Variants in RPSA2 observed in about 807,000 individuals in gnomAD.
The protein encoded by RPSA2 is ribosomal protein SA 2, also known as small ribosomal subunit protein uS2B.
At chr19:23,807,879 G>A in the RPSA2 span, 3 of 417,768 alleles carry the variant, frequency 7.2e-6, no homozygotes, top group Middle Eastern at 3.7e-4. Context: ...AGGAGTAGCA[G>A]TGCCTGGACA....
chr19:23,768,014 C>T, the RPSA2 span, among the ~76,000 whole-genome samples: 2 of 152,060 alleles, frequency 1.3e-5, no homozygotes, highest in Admixed American at 1.3e-4. Flanking sequence ...ATCTGCCCAC[C>T]TCAGCTTCCC....
the RPSA2 span, among the ~76,000 whole-genome samples, chr19:23,848,172 TATA>T: frequency 1.3e-5 from 2 of 152,188 alleles, no homozygotes; most frequent in Non-Finnish European, 2.9e-5. Context: ...CATAAGAAAT[TATA>T]AGAGTATTAT....
the RPSA2 span, among the ~76,000 whole-genome samples, chr19:23,789,157 C>G: frequency 1.3e-5 from 2 of 151,832 alleles, no homozygotes; most frequent in African/African-American, 4.8e-5. Flanking sequence ...TGCATCACCA[C>G]ACTGGGCTTA....
chr19:23,781,338 A>AATTT, the RPSA2 span, among the ~76,000 whole-genome samples: 2 of 151,728 alleles, frequency 1.3e-5, no homozygotes, highest in East Asian at 2.0e-4. Flanking sequence ...TAAGGAGAAT[A>AATTT]ATTTATTTAT....
At chr19:23,860,973 A>G in the RPSA2 span, among the ~76,000 whole-genome samples, 148,907 of 152,224 alleles carry the variant, frequency 0.98, 72,923 homozygotes, top group Middle Eastern at 1. Context: ...GAGACAGAAG[A>G]TCTTCCTCTC....
chr19:23,857,835 T>C, the RPSA2 span, among the ~76,000 whole-genome samples: 2 of 152,096 alleles, frequency 1.3e-5, no homozygotes, highest in Non-Finnish European at 2.9e-5. Flanking sequence ...TAATTTTTTT[T>C]TCTTAGAGTA....
the RPSA2 span, among the ~76,000 whole-genome samples, chr19:23,834,604 A>T: frequency 6.6e-6 from 1 of 152,168 alleles, no homozygotes; most frequent in African/African-American, 2.4e-5. Flanking sequence ...TAGGTTAGTA[A>T]TGTTATTTTA....
the RPSA2 span, among the ~76,000 whole-genome samples, chr19:23,841,523 T>G: frequency 6.6e-6 from 1 of 152,214 alleles, no homozygotes; most frequent in South Asian, 2.1e-4. Flanking sequence ...TTCTGACTAA[T>G]GTGCATAAAC....
chr19:23,857,237 A>G, the RPSA2 span, among the ~76,000 whole-genome samples: 1 of 152,202 alleles, frequency 6.6e-6, no homozygotes, highest in African/African-American at 2.4e-5. Context: ...TACAGTTAAC[A>G]CAGTTATCAC....
chr19:23,838,445 T>A, the RPSA2 span, among the ~76,000 whole-genome samples: 3 of 152,304 alleles, frequency 2.0e-5, no homozygotes, highest in South Asian at 6.2e-4. Context: ...GATGCTGGCT[T>A]CATAGAATGA....
At chr19:23,758,723 G>C in the RPSA2 span, 1 of 1,614,194 alleles carries the variant, frequency 6.2e-7, no homozygotes, top group Admixed American at 1.7e-5. Flanking sequence ...CCCTCTCTCG[G>C]GATGTCGGAC....
the RPSA2 span, among the ~76,000 whole-genome samples, chr19:23,787,047 A>T: frequency 6.6e-6 from 1 of 152,050 alleles, no homozygotes; most frequent in Non-Finnish European, 1.5e-5. Context: ...CATCCAGGTG[A>T]TGTGGGTCTC....
At chr19:23,834,759 A>G in the RPSA2 span, among the ~76,000 whole-genome samples, 4 of 152,088 alleles carry the variant, frequency 2.6e-5, no homozygotes, top group Non-Finnish European at 5.9e-5. Context: ...ACTTTAACCT[A>G]TTCCATCTTA....
the RPSA2 span, among the ~76,000 whole-genome samples, chr19:23,853,330 A>G: frequency 2.0e-4 from 30 of 152,166 alleles, 1 homozygote; most frequent in South Asian, 2.7e-3. Flanking sequence ...ATGGCCCTTA[A>G]ATCAGTTACC....
chr19:23,802,567 G>T, the RPSA2 span, among the ~76,000 whole-genome samples: 148,947 of 152,298 alleles, frequency 0.98, 72,928 homozygotes, highest in Middle Eastern at 1. Flanking sequence ...TACTGTAAAA[G>T]AAATGAATCA....
the RPSA2 span, among the ~76,000 whole-genome samples, chr19:23,834,525 G>A: frequency 2.0e-5 from 3 of 151,846 alleles, no homozygotes; most frequent in Admixed American, 1.3e-4. Context: ...TGATACATGA[G>A]GTAGGTGTTC....
At chr19:23,821,371 A>C in the RPSA2 span, among the ~76,000 whole-genome samples, 1 of 151,898 alleles carries the variant, frequency 6.6e-6, no homozygotes, top group Non-Finnish European at 1.5e-5. Flanking sequence ...ATTCCCTTTC[A>C]CTCATGGGCC....
chr19:23,852,676 C>A, the RPSA2 span, among the ~76,000 whole-genome samples: 123 of 152,276 alleles, frequency 8.1e-4, no homozygotes, highest in African/African-American at 2.8e-3. Context: ...CACATCCTTT[C>A]AGCTTGGGCG....
the RPSA2 span, chr19:23,758,921 T>G: frequency 1.2e-6 from 1 of 803,004 alleles, no homozygotes; most frequent in Non-Finnish European, 2.0e-6. Context: ...GAAGCCGCCC[T>G]GTCTGCTCCA....
Sources: gnomAD v4.1 joint callset for allele counts (sites outside exome capture counted in the v4.1 genomes callset) on GRCh38, gnomAD v4.1.1 for gene constraint, MANE v1.5 for transcripts, NCBI Gene and HGNC (gene_info 2026-07-23, HGNC 2026-07-21) for gene names.